Variants in CTNNA3 observed in about 807,000 individuals in gnomAD.
The protein encoded by CTNNA3 is catenin alpha-3.
In CTNNA3, 76 loss-of-function variants were observed where a neutral mutation model predicts 95.7. The observed-to-expected ratio is 0.79, with a 90% CI of 0.66 to 0.96. The LOEUF (loss-of-function observed/expected upper bound fraction) is 0.96, where lower values mean the gene tolerates loss of function less well. Ranked by LOEUF, CTNNA3 falls within the 40% of genes least tolerant of loss-of-function variation. The pLI is 0.00. For synonymous variants in CTNNA3, 431 were observed against 374.4 expected, an observed-to-expected ratio of 1.15 and a Z score of -1.74; for missense variants, 1,191 against 1,089.8, an observed-to-expected ratio of 1.09 and a Z score of -1.31.
rs561228736 is a variant in CTNNA3, at chr10:67,536,307, C to T, written c.459+3196G>A. Among the ~76,000 whole-genome samples, 389 of 152,132 alleles carry T rather than the reference C, an allele frequency of 2.6e-3. 4 individuals carry two copies. The South Asian group carries it at 0.034, about 13-fold the overall frequency. On this transcript the variant is annotated intron_variant, in intron 4 of 17. Coordinates refer to ENST00000433211, the MANE Select transcript of CTNNA3 (RefSeq NM_013266.4). Reference sequence around the variant, plus strand: ...TGTTGCTCCAGAAAGCAAAACTAGACGCACTGTTTGAAATAGCAGGGAGGC... The same window carrying T: ...TGTTGCTCCAGAAAGCAAAACTAGATGCACTGTTTGAAATAGCAGGGAGGC...
intron 13 of CTNNA3, among the ~76,000 whole-genome samples, chr10:66,158,956 G>T (rs1202115143): frequency 2.0e-5 from 3 of 151,908 alleles, no homozygotes; most frequent in Non-Finnish European, 2.9e-5. Context: ...TTGATGCTCT[G>T]CTTGGTCGCT....
intron 5 of CTNNA3, among the ~76,000 whole-genome samples, chr10:67,302,048 AAAGAAAGAAAGAAAGAAAGAAAG>A (rs2132500282): frequency 7.7e-6 from 1 of 130,706 alleles, no homozygotes; most frequent in Admixed American, 7.3e-5. Context: ...AGAAAGAAAG[AAAGAAAGAAAGAAAGAAAGAAAG>A]AAAGAAAGAA....
intron 12 of CTNNA3, among the ~76,000 whole-genome samples, chr10:66,345,602 G>A (rs1489334923): frequency 2.0e-5 from 3 of 152,020 alleles, no homozygotes; most frequent in Non-Finnish European, 2.9e-5. Context: ...AAAGAAGGTG[G>A]AAACTTGGGA....
chr10:66,624,911 T>C (rs1413367943), intron 9 of CTNNA3, among the ~76,000 whole-genome samples: 1 of 152,144 alleles, frequency 6.6e-6, no homozygotes, highest in Non-Finnish European at 1.5e-5. Context: ...ACCAGACTTT[T>C]TATTGGTATT....
intron 2 of CTNNA3, among the ~76,000 whole-genome samples, chr10:67,618,117 T>C (rs1367738460): frequency 6.6e-6 from 1 of 152,184 alleles, no homozygotes; most frequent in African/African-American, 2.4e-5. Context: ...CCATAGTTTA[T>C]AGGACAGTAC....
chr10:66,849,873 T>C (rs1021539329), intron 7 of CTNNA3, among the ~76,000 whole-genome samples: 11 of 151,670 alleles, frequency 7.3e-5, no homozygotes, highest in African/African-American at 2.4e-4. Context: ...CTAAGATTTA[T>C]TGAATGTAGA....
chr10:67,724,011 C>T (rs574525267), intron 1 of CTNNA3, among the ~76,000 whole-genome samples: 133 of 152,244 alleles, frequency 8.7e-4, no homozygotes, highest in African/African-American at 3.0e-3. Flanking sequence ...AGAACTCTAA[C>T]GGACATTCAA....
At chr10:67,233,423 A>G (rs1199403953) in intron 5 of CTNNA3, among the ~76,000 whole-genome samples, 3 of 149,764 alleles carry the variant, frequency 2.0e-5, no homozygotes, top group Non-Finnish European at 3.0e-5. Flanking sequence ...TGGGTACATA[A>G]CGAAATGAAG....
At chr10:67,053,287 A>G (rs1350391057) in intron 7 of CTNNA3, among the ~76,000 whole-genome samples, 1 of 152,176 alleles carries the variant, frequency 6.6e-6, no homozygotes, top group African/African-American at 2.4e-5. Context: ...AGAACACTAT[A>G]CAAATACAAA....
intron 7 of CTNNA3, among the ~76,000 whole-genome samples, chr10:66,881,643 G>A (rs374487415): frequency 2.0e-5 from 3 of 152,048 alleles, no homozygotes; most frequent in African/African-American, 7.2e-5. Flanking sequence ...CTTGGGTATA[G>A]GCTTTACAAT....
At chr10:67,289,855 T>C (rs368121502) in intron 5 of CTNNA3, among the ~76,000 whole-genome samples, 17 of 152,084 alleles carry the variant, frequency 1.1e-4, no homozygotes, top group African/African-American at 3.9e-4. Flanking sequence ...CTGTCTCCCA[T>C]GATGGAGTGG....
chr10:66,935,489 G>T (rs10997445), intron 7 of CTNNA3, among the ~76,000 whole-genome samples: 89,929 of 151,812 alleles, frequency 0.59, 28,204 homozygotes, highest in Admixed American at 0.69. Flanking sequence ...CTTGGTTTGT[G>T]TACTGGCACC....
intron 7 of CTNNA3, among the ~76,000 whole-genome samples, chr10:67,153,101 G>A (rs911780314): frequency 1.8e-4 from 28 of 151,902 alleles, no homozygotes; most frequent in East Asian, 1.8e-3. Flanking sequence ...TCAGCCTCCC[G>A]AGTAGCTGGG....
chr10:67,202,731 G>A (rs1022640074), intron 6 of CTNNA3, among the ~76,000 whole-genome samples: 5 of 151,912 alleles, frequency 3.3e-5, no homozygotes, highest in Non-Finnish European at 7.4e-5. Flanking sequence ...ATGCTAGACA[G>A]AAAGTTTGCA....
chr10:67,091,326 A>G (rs569183937), intron 7 of CTNNA3, among the ~76,000 whole-genome samples: 9 of 152,114 alleles, frequency 5.9e-5, no homozygotes, highest in Admixed American at 5.9e-4. Context: ...ATTTAAAGAC[A>G]GTGTGATACA....
chr10:67,319,740 AC>A (rs562743551), intron 5 of CTNNA3, among the ~76,000 whole-genome samples: 116 of 152,120 alleles, frequency 7.6e-4, no homozygotes, highest in Admixed American at 2.4e-3. Flanking sequence ...TAATGAAAAT[AC>A]AAAAAATAGC....
At chr10:66,038,175 T>C (rs1391004044) in intron 15 of CTNNA3, among the ~76,000 whole-genome samples, 2 of 152,196 alleles carry the variant, frequency 1.3e-5, no homozygotes, top group African/African-American at 4.8e-5. Flanking sequence ...GTATAAAACA[T>C]GGTATGGAAA....
chr10:66,286,534 G>T (rs1197340930), intron 12 of CTNNA3, among the ~76,000 whole-genome samples: 1 of 152,014 alleles, frequency 6.6e-6, no homozygotes, highest in Non-Finnish European at 1.5e-5. Flanking sequence ...AAAATAGAAA[G>T]GTAAAAGGGC....
At chr10:67,228,804 C>T (rs1158382582) in intron 5 of CTNNA3, among the ~76,000 whole-genome samples, 2 of 152,124 alleles carry the variant, frequency 1.3e-5, no homozygotes, top group African/African-American at 4.8e-5. Flanking sequence ...AGACCAATAA[C>T]AAGCAGCGAG....
Sources: allele counts gnomAD v4.1 joint callset (sites outside exome capture counted in the v4.1 genomes callset), GRCh38; gene constraint gnomAD v4.1.1; transcripts MANE v1.5; gene names NCBI Gene and HGNC (gene_info 2026-07-23, HGNC 2026-07-21).